Variants in SHANK2 observed in about 807,000 individuals in gnomAD.
SHANK2 encodes SH3 and multiple ankyrin repeat domains 2, also known as SH3 and multiple ankyrin repeat domains protein 2.
In SHANK2, 43 loss-of-function variants were observed where a neutral mutation model predicts 133.7. The ratio of observed to expected loss-of-function variants is 0.32; its 90% CI spans 0.25 to 0.41. The LOEUF (loss-of-function observed/expected upper bound fraction) is 0.41. Among genes scored for constraint, SHANK2 ranks in the 10% least tolerant of loss-of-function variants. The probability of loss-of-function intolerance (pLI) is 1.00; values close to 1 mark genes in which losing one functional copy is unlikely to be tolerated. For missense variants in SHANK2, 1,994 were observed against 2,235.8 expected (o/e 0.89, Z 2.18); for synonymous variants, 1,017 against 952.8 (o/e 1.07, Z -1.24).
intron 13 of SHANK2, among the ~76,000 whole-genome samples, chr11:70,802,995 C>T (rs1948079966): frequency 6.6e-6 from 1 of 152,118 alleles, no homozygotes; most frequent in South Asian, 2.1e-4. Flanking sequence ...CCTGTGTGGC[C>T]TGGGCCAAAA....
rs1251875050 is a variant in SHANK2, at chr11:70,825,659, G to A, written c.1175-4977C>T. Among the ~76,000 whole-genome samples, 4 of 152,226 alleles carry A rather than the reference G, an allele frequency of 2.6e-5. 1 individual carries two copies. The Middle Eastern group carries it at 0.01, about 388-fold the overall frequency. On this transcript the variant is annotated intron_variant, in intron 11 of 25. Transcript: ENST00000601538. ...TTGGTGTTTATTTTGCAACGAGCTG[G>A]GGCTGGGAAGTACCTTCCTCATTTC... is the stretch of plus-strand genomic sequence containing the variant.
intron 14 of SHANK2, among the ~76,000 whole-genome samples, chr11:70,761,807 C>A (rs1947003111): frequency 6.6e-6 from 1 of 152,242 alleles, no homozygotes. Context: ...TTGACCTCAG[C>A]CATCCTTGTG....
rs557302280 is a variant in SHANK2 at position 71,094,800 on chromosome 11, C to A, written c.593-112G>T. ...AAGAACTGACTCCCCTCCTCCACCT[C>A]CAGGGTGTTTACAGCTCCCACCACC... On this transcript the variant is annotated intron_variant, in intron 6 of 25. Coordinates refer to ENST00000601538, the MANE Select transcript of SHANK2 (RefSeq NM_012309.5). 250 of 1,210,184 alleles carry A rather than the reference C, an allele frequency of 2.1e-4. 2 individuals are homozygous for A. The East Asian group carries it at 6.4e-3, about 31-fold the overall frequency. 75.0% of individuals were successfully genotyped at this position (1,210,184 alleles called of 1,614,324 possible).
chr11:70,726,249 C>A lies in SHANK2; in HGVS notation c.1778-27486G>T, dbSNP rs918521995. Among the ~76,000 whole-genome samples, 66 of 152,336 alleles carry A rather than the reference C, an allele frequency of 4.3e-4. 1 individual carries two copies. Among genetic ancestry groups the A allele is most frequent in the African/African-American group, 1.6e-3 (65 of 41,574 alleles). ...CACCAGCATCTTGGAGGGACCTGAG[C>A]TCCCTGGGGCTGGGTTTGGAAGCTG... On this transcript the variant is annotated intron_variant, in intron 14 of 25. Coordinates refer to ENST00000601538, the MANE Select transcript of SHANK2 (RefSeq NM_012309.5).
chr11:70,679,853 A>ACAGTTGTGTGAT (rs1944989169), intron 15 of SHANK2, among the ~76,000 whole-genome samples: 1 of 152,192 alleles, frequency 6.6e-6, no homozygotes, highest in Non-Finnish European at 1.5e-5. Context: ...CTGGACGTCC[A>ACAGTTGTGTGAT]CCTGCCAACA....
At chr11:70,618,999 G>A (rs191063419) in intron 17 of SHANK2, among the ~76,000 whole-genome samples, 36 of 152,250 alleles carry the variant, frequency 2.4e-4, no homozygotes, top group African/African-American at 6.7e-4. Flanking sequence ...GTGCACAGCC[G>A]CCCCAGTCCC....
chr11:70,524,400 G>C (rs1554971739), intron 17 of SHANK2, among the ~76,000 whole-genome samples: 2 of 152,256 alleles, frequency 1.3e-5, no homozygotes, highest in South Asian at 2.1e-4. Context: ...CACCCACTGA[G>C]GTTGCTGTTC....
intron 17 of SHANK2, among the ~76,000 whole-genome samples, chr11:70,590,870 A>G (rs2060312324): frequency 6.6e-6 from 1 of 152,178 alleles, no homozygotes; most frequent in Non-Finnish European, 1.5e-5. Context: ...GCCTGTGCAG[A>G]AAACAAGAGC....
chr11:71,231,172 A>G (rs568176708), intron 1 of SHANK2, among the ~76,000 whole-genome samples: 2 of 152,244 alleles, frequency 1.3e-5, no homozygotes, highest in African/African-American at 4.8e-5. Context: ...CATATTTAAC[A>G]AATAATTCGA....
At chr11:70,568,824 C>A (rs562605579) in intron 17 of SHANK2, among the ~76,000 whole-genome samples, 15 of 152,224 alleles carry the variant, frequency 9.9e-5, no homozygotes, top group African/African-American at 3.6e-4. Flanking sequence ...ATTCTTTGAG[C>A]CACCATGGCT....
chr11:70,508,177 G>A lies in SHANK2; in HGVS notation c.2062-5246C>T, dbSNP rs782177039. On this transcript the variant is annotated intron_variant, in intron 17 of 25. Coordinates refer to ENST00000601538, the MANE Select transcript of SHANK2 (RefSeq NM_012309.5). Reference sequence around the variant, plus strand: ...CAATGAGAGCCTGCCTACTGGGAACGCCACAGGGCACCAGGGCTCATGGGG... The same window carrying A: ...CAATGAGAGCCTGCCTACTGGGAACACCACAGGGCACCAGGGCTCATGGGG... 5.2e-4 allele frequency among the ~76,000 whole-genome samples: 79 copies of A among 152,226 alleles called. 1 individual carries two copies. The highest frequency in any genetic ancestry group is 8.5e-4 in the Non-Finnish European group (58 of 68,042).
chr11:70,506,207 C>T (rs12364186), intron 17 of SHANK2, among the ~76,000 whole-genome samples: 36,326 of 152,156 alleles, frequency 0.24, 4,657 homozygotes, highest in African/African-American at 0.33. Context: ...CCTGGGTGCA[C>T]GTTCTGGTGG....
chr11:70,503,403 C>G (rs1048522724), intron 17 of SHANK2, among the ~76,000 whole-genome samples: 11 of 152,210 alleles, frequency 7.2e-5, no homozygotes, highest in Non-Finnish European at 1.6e-4. Context: ...CTCATGTATT[C>G]TGGGAATGCA....
At chr11:70,608,553 C>T (rs2060610958) in intron 17 of SHANK2, among the ~76,000 whole-genome samples, 1 of 152,186 alleles carries the variant, frequency 6.6e-6, no homozygotes, top group Non-Finnish European at 1.5e-5. Context: ...TGTAAAGGCT[C>T]TGCAGGTGGG....
At chr11:71,151,253 G>A (rs1257775115) in intron 2 of SHANK2, among the ~76,000 whole-genome samples, 1 of 148,140 alleles carries the variant, frequency 6.8e-6, no homozygotes, top group Admixed American at 6.6e-5. Context: ...TCCCGGGGAG[G>A]CCACGGGCAG....
chr11:70,887,556 A>C (rs1361495716), intron 11 of SHANK2, among the ~76,000 whole-genome samples: 1 of 152,040 alleles, frequency 6.6e-6, no homozygotes, highest in East Asian at 1.9e-4. Context: ...CACAGTGTTC[A>C]TTGTCTTCTC....
intron 11 of SHANK2, among the ~76,000 whole-genome samples, chr11:70,847,112 C>A (rs1555063683): frequency 6.6e-6 from 1 of 152,198 alleles, no homozygotes; most frequent in Non-Finnish European, 1.5e-5. Context: ...CCCGGCCCAT[C>A]ATCAATCTTG....
intron 6 of SHANK2, among the ~76,000 whole-genome samples, chr11:71,108,975 A>G (rs991175117): frequency 6.6e-6 from 1 of 152,306 alleles, no homozygotes; most frequent in East Asian, 1.9e-4. Flanking sequence ...GGGCTCCCAC[A>G]AATGATGAGA....
In SHANK2 at chr11:70,867,725, G is replaced by C. The variant is rs142134020; in HGVS notation, c.1174+28776C>G. Among the ~76,000 whole-genome samples the C allele has an allele frequency of 2.6e-3, 391 of 152,350 alleles. 1 individual carries two copies. The highest frequency in any genetic ancestry group is 9.2e-3 in the African/African-American group (384 of 41,582). Reference sequence around the variant, plus strand: ...TTTAACATTTACCCAGCGGCACAGAGTCATTATTCTGTGACAATATTCCAC... The same window carrying C: ...TTTAACATTTACCCAGCGGCACAGACTCATTATTCTGTGACAATATTCCAC... On this transcript the variant is annotated intron_variant, in intron 11 of 25. Coordinates refer to ENST00000601538, the MANE Select transcript of SHANK2 (RefSeq NM_012309.5).
Sources: gnomAD v4.1 joint callset for allele counts (sites outside exome capture counted in the v4.1 genomes callset) on GRCh38, gnomAD v4.1.1 for gene constraint, MANE v1.5 for transcripts, NCBI Gene and HGNC (gene_info 2026-07-23, HGNC 2026-07-21) for gene names.